Variants in ENTREP2 observed in about 807,000 individuals in gnomAD.
ENTREP2 encodes the protein endosomal transmembrane epsin interactor 2, also known as protein ENTREP2.
At chr15:29,172,160 C>A in the ENTREP2 span, among the ~76,000 whole-genome samples, 1 of 152,092 alleles carries the variant, frequency 6.6e-6, no homozygotes, top group Non-Finnish European at 1.5e-5. Context: ...ACTGAAGAAT[C>A]CATTAGTGGG....
chr15:29,574,180 T>C, the ENTREP2 span, among the ~76,000 whole-genome samples: 1 of 152,214 alleles, frequency 6.6e-6, no homozygotes, highest in Non-Finnish European at 1.5e-5. Context: ...TAATCATACA[T>C]GTCCTAGTGT....
At chr15:29,566,881 T>TCACACACACA in the ENTREP2 span, among the ~76,000 whole-genome samples, 1 of 91,504 alleles carries the variant, frequency 1.1e-5, no homozygotes, top group Non-Finnish European at 2.1e-5. Flanking sequence ...ACACACAGAG[T>TCACACACACA]CAGCTTCCAA....
the ENTREP2 span, among the ~76,000 whole-genome samples, chr15:29,262,095 A>AGG: frequency 7.0e-6 from 1 of 143,876 alleles, no homozygotes; most frequent in African/African-American, 2.5e-5. Flanking sequence ...AAAAAAAAAA[A>AGG]GGGCGAAGGC....
chr15:29,435,210 G>A, the ENTREP2 span, among the ~76,000 whole-genome samples: 1 of 152,102 alleles, frequency 6.6e-6, no homozygotes, highest in Admixed American at 6.5e-5. Context: ...TCTGGCATTT[G>A]TGTTTTTAAG....
the ENTREP2 span, among the ~76,000 whole-genome samples, chr15:29,442,673 T>G: frequency 5.3e-5 from 8 of 152,144 alleles, no homozygotes; most frequent in African/African-American, 1.9e-4. Flanking sequence ...GAGGCTCCAG[T>G]GGCCTGATTG....
chr15:29,148,758 C>T, the ENTREP2 span, among the ~76,000 whole-genome samples: 1 of 152,100 alleles, frequency 6.6e-6, no homozygotes, highest in Non-Finnish European at 1.5e-5. Context: ...GTCTTTCCTG[C>T]ATAAGCTGCA....
the ENTREP2 span, among the ~76,000 whole-genome samples, chr15:29,565,994 TAC>T: frequency 6.6e-6 from 1 of 151,678 alleles, no homozygotes; most frequent in Non-Finnish European, 1.5e-5. Flanking sequence ...ACATTTTCCA[TAC>T]ATATATATAC....
At chr15:29,228,263 G>T in the ENTREP2 span, among the ~76,000 whole-genome samples, 1 of 152,138 alleles carries the variant, frequency 6.6e-6, no homozygotes, top group Non-Finnish European at 1.5e-5. Context: ...AGGTTGCAGT[G>T]AGCCAAGATC....
chr15:29,537,744 G>A, the ENTREP2 span, among the ~76,000 whole-genome samples: 2 of 152,112 alleles, frequency 1.3e-5, no homozygotes, highest in Non-Finnish European at 2.9e-5. Flanking sequence ...GTTTCATTCA[G>A]AGAAAAAGCC....
the ENTREP2 span, among the ~76,000 whole-genome samples, chr15:29,384,310 A>G: frequency 6.6e-6 from 1 of 152,054 alleles, no homozygotes; most frequent in South Asian, 2.1e-4. Context: ...CTCATGGTAT[A>G]TAGTTCAGGG....
chr15:29,171,570 G>C, the ENTREP2 span, among the ~76,000 whole-genome samples: 1 of 151,960 alleles, frequency 6.6e-6, no homozygotes, highest in Non-Finnish European at 1.5e-5. Context: ...TTAAGGTATA[G>C]TTTTTTTCCT....
chr15:29,547,490 A>C, the ENTREP2 span, among the ~76,000 whole-genome samples: 8 of 152,234 alleles, frequency 5.3e-5, no homozygotes, highest in Non-Finnish European at 1.0e-4. Context: ...GTTCAACATC[A>C]TTCATCATTA....
At chr15:29,250,300 T>C in the ENTREP2 span, among the ~76,000 whole-genome samples, 1 of 152,196 alleles carries the variant, frequency 6.6e-6, no homozygotes, top group African/African-American at 2.4e-5. Flanking sequence ...CTGAGATTTC[T>C]GGCCTTGTAT....
the ENTREP2 span, among the ~76,000 whole-genome samples, chr15:29,540,373 A>T: frequency 6.6e-6 from 1 of 152,246 alleles, no homozygotes; most frequent in South Asian, 2.1e-4. Flanking sequence ...ATTATACCCC[A>T]TAAATATGTA....
chr15:29,457,348 C>A, the ENTREP2 span, among the ~76,000 whole-genome samples: 10 of 152,360 alleles, frequency 6.6e-5, 1 homozygote, highest in African/African-American at 2.4e-4. Flanking sequence ...TGAGCCTCAA[C>A]GTTTAGAAAT....
the ENTREP2 span, among the ~76,000 whole-genome samples, chr15:29,201,129 CACTT>C: frequency 1.3e-5 from 2 of 152,102 alleles, no homozygotes; most frequent in African/African-American, 4.8e-5. Flanking sequence ...TTGCTGAACT[CACTT>C]ATTAATTCTA....
the ENTREP2 span, among the ~76,000 whole-genome samples, chr15:29,144,085 C>T: frequency 6.6e-6 from 1 of 152,080 alleles, no homozygotes; most frequent in Non-Finnish European, 1.5e-5. Flanking sequence ...AAAGAAATGA[C>T]AGGGTAAGAA....
At chr15:29,473,573 GA>G in the ENTREP2 span, among the ~76,000 whole-genome samples, 9 of 152,214 alleles carry the variant, frequency 5.9e-5, no homozygotes, top group Admixed American at 5.9e-4. Flanking sequence ...CCTGGGAGCG[GA>G]AGGCCACCTG....
At chr15:29,286,099 A>G in the ENTREP2 span, among the ~76,000 whole-genome samples, 2 of 152,256 alleles carry the variant, frequency 1.3e-5, no homozygotes, top group Non-Finnish European at 2.9e-5. Context: ...CATATGTAAA[A>G]TAATGAGAAT....
Sources: allele counts gnomAD v4.1 joint callset (sites outside exome capture counted in the v4.1 genomes callset), GRCh38; gene constraint gnomAD v4.1.1; transcripts MANE v1.5; gene names NCBI Gene and HGNC (gene_info 2026-07-23, HGNC 2026-07-21).